Variants in CHD1L observed in about 807,000 individuals in gnomAD.
The protein encoded by CHD1L is ATP-dependent chromatin remodeler CHD1L.
Under a neutral mutation model 115.9 loss-of-function variants are expected in CHD1L, and 118 were observed. The observed-to-expected ratio is 1.02, with a 90% CI of 0.88 to 1.19. CHD1L has a LOEUF of 1.19. CHD1L is among the 50% of genes most tolerant of loss of function. The pLI is 0.00. For missense variants in CHD1L, 1,179 were observed against 1,065.3 expected (o/e 1.11, Z -1.49); for synonymous variants, 411 against 387.1 (o/e 1.06, Z -0.72).
the CHD1L span, among the ~76,000 whole-genome samples, chr1:147,217,883 T>C: frequency 6.6e-6 from 1 of 152,324 alleles, no homozygotes; most frequent in East Asian, 1.9e-4. Flanking sequence ...AACTAGATTG[T>C]AAGCCCCTTG....
At chr1:147,251,386 T>C (rs1553936284) in intron 1 of CHD1L, among the ~76,000 whole-genome samples, 1 of 152,198 alleles carries the variant, frequency 6.6e-6, no homozygotes, top group African/African-American at 2.4e-5. Context: ...TTTTTATTTG[T>C]ACTTAGCAAG....
the CHD1L span, among the ~76,000 whole-genome samples, chr1:147,205,504 C>G: frequency 6.6e-6 from 1 of 152,096 alleles, no homozygotes; most frequent in South Asian, 2.1e-4. Context: ...TTTAGAGACT[C>G]TCTACAAAAC....
the CHD1L span, among the ~76,000 whole-genome samples, chr1:147,229,571 T>C: frequency 6.6e-6 from 1 of 152,236 alleles, no homozygotes; most frequent in African/African-American, 2.4e-5. Context: ...TTGATGGGGA[T>C]GGCATTTAAT....
the CHD1L span, among the ~76,000 whole-genome samples, chr1:147,212,106 A>G: frequency 6.6e-6 from 1 of 152,184 alleles, no homozygotes; most frequent in African/African-American, 2.4e-5. Flanking sequence ...CCAGAGGCAC[A>G]CTCTGAGAAG....
chr1:147,276,232 A>G lies in CHD1L; in HGVS notation c.1514A>G (p.Lys505Arg). 6.2e-7 allele frequency: 1 copy of G among 1,614,188 alleles called. No homozygotes were observed. Among genetic ancestry groups the G allele is most frequent in the Non-Finnish European group, 8.5e-7 (1 of 1,180,008 alleles). The change falls in exon 14 of 23, where the codon AAA becomes AGA. Residue 505 changes from lysine (K) to arginine (R), a missense_variant. Physicochemically the swap from Lys to Arg is conservative, Grantham distance 26. Coordinates refer to ENST00000369258, the MANE Select transcript of CHD1L (RefSeq NM_004284.6). ...GGCCATTTTACTCTGGGAGCCCAGA[A>G]ACCCGCTGCCGATGCTGACCTCCAG... The part of the protein sequence containing the change: ...EGGHFTLGAQ[K>R]PAADADLQLS...
At chr1:147,283,450 G>T (rs1339220329) in intron 15 of CHD1L, among the ~76,000 whole-genome samples, 1 of 152,210 alleles carries the variant, frequency 6.6e-6, no homozygotes, top group Admixed American at 6.5e-5. Context: ...GTGGTTGCTA[G>T]TCTTGGCTGG....
At chr1:147,197,934 G>C in the CHD1L span, among the ~76,000 whole-genome samples, 1 of 152,196 alleles carries the variant, frequency 6.6e-6, no homozygotes, top group African/African-American at 2.4e-5. Flanking sequence ...AGGAACTGAA[G>C]TTCAGAGATC....
the CHD1L span, among the ~76,000 whole-genome samples, chr1:147,233,662 GGTGGGGAAAA>G: frequency 5.9e-5 from 9 of 152,346 alleles, no homozygotes; most frequent in African/African-American, 1.9e-4. Context: ...AGGGGGGAAA[GGTGGGGAAAA>G]GATTGAGAAA....
At chr1:147,193,202 A>G in the CHD1L span, among the ~76,000 whole-genome samples, 8 of 152,172 alleles carry the variant, frequency 5.3e-5, no homozygotes, top group African/African-American at 1.9e-4. Flanking sequence ...TTATTGGTCT[A>G]TTCAGAGATT....
At chr1:147,192,449 G>T in the CHD1L span, among the ~76,000 whole-genome samples, 2 of 151,958 alleles carry the variant, frequency 1.3e-5, no homozygotes, top group Admixed American at 6.6e-5. Flanking sequence ...CAATCATGTC[G>T]TCTGCAAACA....
intron 12 of CHD1L, among the ~76,000 whole-genome samples, chr1:147,274,399 G>A (rs909149217): frequency 1.3e-5 from 2 of 152,116 alleles, no homozygotes; most frequent in Non-Finnish European, 2.9e-5. Context: ...AACTTGATAC[G>A]AAGACTTTAA....
chr1:147,204,212 ACTG>A, the CHD1L span: 2 of 1,386,196 alleles, frequency 1.4e-6, no homozygotes, highest in Non-Finnish European at 2.1e-6. Flanking sequence ...ACAAGAGTAC[ACTG>A]CTATTTTTGC....
At chr1:147,178,399 G>A in the CHD1L span, 71 of 1,611,182 alleles carry the variant, frequency 4.4e-5, no homozygotes, top group Non-Finnish European at 5.7e-5. Flanking sequence ...TAATAAATAT[G>A]GAGTCAGTGG....
At chr1:147,213,101 A>G in the CHD1L span, among the ~76,000 whole-genome samples, 23 of 152,290 alleles carry the variant, frequency 1.5e-4, no homozygotes, top group Non-Finnish European at 4.4e-5. Context: ...GTAAAACTAA[A>G]TAGACTGCAA....
intron 12 of CHD1L, among the ~76,000 whole-genome samples, chr1:147,274,479 C>T (rs1677535938): frequency 6.6e-6 from 1 of 152,072 alleles, no homozygotes; most frequent in Non-Finnish European, 1.5e-5. Flanking sequence ...AAAGTTAGTC[C>T]TTAATTCAGG....
At chr1:147,215,905 G>A in the CHD1L span, 2 of 1,612,260 alleles carry the variant, frequency 1.2e-6, no homozygotes, top group Non-Finnish European at 1.7e-6. Flanking sequence ...GATGATCACT[G>A]ATTTGTAAAT....
At chr1:147,286,212 T>C (rs1683069217) in intron 17 of CHD1L, 86 bp from the exon 18 acceptor site, 2 of 1,266,742 alleles carry the variant, frequency 1.6e-6, no homozygotes, top group Non-Finnish European at 2.2e-6. Flanking sequence ...TTGGCAGATA[T>C]TGTTTGTGAA....
intron 8 of CHD1L, 78 bp downstream of exon 8, chr1:147,266,165 T>A: frequency 7.6e-7 from 1 of 1,320,716 alleles, no homozygotes; most frequent in Non-Finnish European, 1.0e-6. Flanking sequence ...ATAATCACAC[T>A]CATTTGTATG....
chr1:147,215,533 C>T, the CHD1L span: 1 of 484,174 alleles, frequency 2.1e-6, no homozygotes, highest in South Asian at 3.4e-5. Flanking sequence ...ACTCTGCCAG[C>T]TGGCTTCCTG....
Sources: gnomAD v4.1 joint callset for allele counts (sites outside exome capture counted in the v4.1 genomes callset) on GRCh38, gnomAD v4.1.1 for gene constraint, MANE v1.5 for transcripts, NCBI Gene and HGNC (gene_info 2026-07-23, HGNC 2026-07-21) for gene names.